MMP2: variants seen among roughly 807,000 people sequenced by gnomAD.
MMP2 encodes the protein 72 kDa type IV collagenase.
MMP2 carries 39 observed loss-of-function variants against 74.8 expected under a neutral mutation model. The ratio of observed to expected loss-of-function variants is 0.52; its 90% confidence interval spans 0.40 to 0.68. The LOEUF is 0.68. Ranked by LOEUF, MMP2 falls within the 30% of genes least tolerant of loss-of-function variation. The probability of loss-of-function intolerance (pLI) is 0.00; values close to 1 mark genes in which losing one functional copy is unlikely to be tolerated. For missense variants in MMP2, 803 were observed against 878.3 expected, an observed-to-expected ratio of 0.91 and a Z score of 1.08; for synonymous variants, 367 against 339.8, an observed-to-expected ratio of 1.08 and a Z score of -0.88.
chr16:55,485,628 C>A lies in MMP2; in HGVS notation c.683C>A (p.Ala228Asp). ...GTGGTCCGTGTGAAGTATGGGAACG[C>A]CGATGGGGAGTACTGCAAGTTCCCC... Reference protein sequence around the residue: ...GQVVRVKYGNADGEYCKFPFL... With the variant: ...GQVVRVKYGNDDGEYCKFPFL... The change falls in exon 5 of 13, where the codon GCC (alanine) becomes GAC (aspartate). Residue 228 changes from alanine (A) to aspartate (D), a missense_variant. By Grantham distance (126) the Ala-to-Asp change is moderately radical. Coordinates refer to ENST00000219070, the MANE Select transcript of MMP2 (RefSeq NM_004530.6). 6.2e-7 allele frequency: 1 copy of A among 1,614,170 alleles called. No individual in the cohort carries two copies. Among genetic ancestry groups the A allele is most frequent in the Non-Finnish European group, 8.5e-7 (1 of 1,180,036 alleles).
intron 1 of MMP2, chr16:55,481,994 C>T (rs1425723647): frequency 3.6e-6 from 2 of 555,914 alleles, no homozygotes; most frequent in Non-Finnish European, 3.3e-6. Flanking sequence ...CAGAAGATCT[C>T]CTGGCTCCTT....
rs1283138962 is a variant in MMP2, at chr16:55,479,390, C to G, written c.-90C>G. The G allele has an allele frequency of 3.7e-6, 5 of 1,344,244 alleles. No homozygotes were observed. The African/African-American group carries it at 7.8e-5, about 21-fold the overall frequency. The allele number at this position is 1,344,244 out of a possible 1,614,324, so 83.3% of individuals were successfully genotyped here. Reference sequence around the variant, plus strand: ...CGGACCCTCGGAGCGCAGCCCTGCGCCGCGGAGCAGGCTCCAACCAGGCGG... The same window carrying G: ...CGGACCCTCGGAGCGCAGCCCTGCGGCGCGGAGCAGGCTCCAACCAGGCGG... On this transcript the variant is annotated 5_prime_UTR_variant, in exon 1 of 13. Transcript: ENST00000219070.
chr16:55,489,706 T>G lies in MMP2; in HGVS notation c.1062T>G (p.Thr354=), dbSNP rs763793906. 6 of 1,613,960 alleles carry G rather than the reference T, an allele frequency of 3.7e-6. No individual in the cohort carries two copies. Among genetic ancestry groups the G allele is most frequent in the Non-Finnish European group, 5.1e-6 (6 of 1,180,016 alleles). Residue 354 remains threonine (T), a synonymous_variant, in exon 7 of 13, where the codon ACT becomes ACG. Coordinates refer to ENST00000219070, the MANE Select transcript of MMP2 (RefSeq NM_004530.6). ...GTGCCCCCTGTGTCTTCCCCTTCAC[T>G]TTCCTGGGCAACAAATATGAGAGCT... ...SEGAPCVFPF[T]FLGNKYESCT...
At chr16:55,495,209 G>T (rs779791484) in intron 9 of MMP2, among the ~76,000 whole-genome samples, 1 of 152,216 alleles carries the variant, frequency 6.6e-6, no homozygotes, top group Non-Finnish European at 1.5e-5. Context: ...CTGCTCTGCA[G>T]TTCCCATTGT....
chr16:55,485,194 G>A, intron 3 of MMP2, 105 bp from the exon 4 acceptor site: 1 of 1,526,230 alleles, frequency 6.6e-7, no homozygotes, highest in Admixed American at 1.7e-5. Flanking sequence ...AAGGGAAGGG[G>A]ACAGATGCTG....
intron 7 of MMP2, among the ~76,000 whole-genome samples, chr16:55,490,349 C>G (rs17859925): frequency 0.016 from 2,471 of 152,298 alleles, 64 homozygotes; most frequent in African/African-American, 0.056. Context: ...AGAGCCCTCT[C>G]TCCCCCATCA....
chr16:55,491,142 GCAACCTCTGCCTCCTGGGTT>G (rs1266281170), intron 7 of MMP2, among the ~76,000 whole-genome samples: 1 of 150,898 alleles, frequency 6.6e-6, no homozygotes, highest in Non-Finnish European at 1.5e-5. Context: ...TCGGCTCACT[GCAACCTCTGCCTCCTGGGTT>G]CAAGTGATTC....
chr16:55,497,158 G>A, intron 10 of MMP2, 96 bp downstream of exon 10: 1 of 1,536,066 alleles, frequency 6.5e-7, no homozygotes, highest in Non-Finnish European at 9.0e-7. Flanking sequence ...TCAAACCACA[G>A]TTCCTATGCA....
chr16:55,479,993 G>A, intron 1 of MMP2: 1 of 297,080 alleles, frequency 3.4e-6, no homozygotes, highest in South Asian at 3.5e-5. Context: ...GGGGGGGGCG[G>A]TCTTTGTAAA....
At chr16:55,482,039 A>G (rs544264622) in intron 1 of MMP2, among the ~76,000 whole-genome samples, 4 of 152,176 alleles carry the variant, frequency 2.6e-5, no homozygotes, top group Non-Finnish European at 5.9e-5. Context: ...CACATACTTC[A>G]TTTTGTTTTA....
chr16:55,497,188 CT>C, intron 10 of MMP2, 126 bp downstream of exon 10: 1 of 1,267,756 alleles, frequency 7.9e-7, no homozygotes, highest in Non-Finnish European at 1.1e-6. Context: ...GCTCCCTTTC[CT>C]TTATGGATTC....
chr16:55,481,783 A>T lies in MMP2; in HGVS notation c.154-1126A>T, dbSNP rs708269. 199,254 of 718,482 alleles carry T rather than the reference A, an allele frequency of 0.28. 29,187 individuals carry two copies. Among genetic ancestry groups the T allele is most frequent in the East Asian group, 0.41 (15,537 of 37,930 alleles). The allele number at this position is 718,482 out of a possible 1,614,324, so 44.5% of individuals were successfully genotyped here. ...AACCAGCTGGCCTAGTGATGATGTT[A>T]GGCAAGTGACTTCTCAGTTTCTTCA... On this transcript the variant is annotated intron_variant, in intron 1 of 12. Transcript: ENST00000219070.
intron 1 of MMP2, among the ~76,000 whole-genome samples, chr16:55,480,890 G>C (rs1227762755): frequency 6.6e-6 from 1 of 152,134 alleles, no homozygotes; most frequent in Non-Finnish European, 1.5e-5. Context: ...CAAGGATCTG[G>C]AGCTGGCTGG....
chr16:55,488,487 C>G lies in MMP2; in HGVS notation c.833-56C>G. On this transcript the variant is annotated intron_variant, in intron 5 of 12. Coordinates refer to ENST00000219070, the MANE Select transcript of MMP2 (RefSeq NM_004530.6). Reference sequence around the variant, plus strand: ...CCGGCAGGTGGGCAGCCAGCCAGCCCTGTGCCCATGGAAGCATGTCTCATT... The same window carrying G: ...CCGGCAGGTGGGCAGCCAGCCAGCCGTGTGCCCATGGAAGCATGTCTCATT... 4 of 1,567,558 alleles carry G rather than the reference C, an allele frequency of 2.6e-6. No individual in the cohort carries two copies. The Admixed American group carries it at 6.9e-5, about 27-fold the overall frequency.
chr16:55,491,991 GAGGA>G, intron 8 of MMP2, 35 bp downstream of exon 8: 2 of 1,382,184 alleles, frequency 1.4e-6, no homozygotes, highest in South Asian at 1.2e-5. Flanking sequence ...GGTGGAGGGT[GAGGA>G]GGGGGGAGGT....
intron 8 of MMP2, among the ~76,000 whole-genome samples, chr16:55,492,627 A>G (rs1471783850): frequency 6.6e-6 from 1 of 152,104 alleles, no homozygotes; most frequent in African/African-American, 2.4e-5. Flanking sequence ...AAAAAGCCCA[A>G]GGTCTGCCGT....
chr16:55,494,080 A>T (rs1338189981), intron 9 of MMP2, among the ~76,000 whole-genome samples: 2 of 152,106 alleles, frequency 1.3e-5, no homozygotes, highest in African/African-American at 4.8e-5. Flanking sequence ...CTTTCCATCC[A>T]TCATCCATCC....
chr16:55,496,858 G>A lies in MMP2; in HGVS notation c.1473-68G>A, dbSNP rs1962539840. The A allele has an allele frequency of 6.2e-6, 10 of 1,600,954 alleles. 1 individual carries two copies. The South Asian group carries it at 7.7e-5, about 12-fold the overall frequency. On this transcript the variant is annotated intron_variant, in intron 9 of 12. Transcript: ENST00000219070. ...TGGGATGTTTCTGGGTGGGTTTGGG[G>A]GTGTGTGTGGTTCGAGCTGCAGGGT... is the stretch of plus-strand genomic sequence containing the variant.
chr16:55,497,188 C>A, intron 10 of MMP2, 126 bp downstream of exon 10: 1 of 1,267,756 alleles, frequency 7.9e-7, no homozygotes, highest in Non-Finnish European at 1.1e-6. Flanking sequence ...GCTCCCTTTC[C>A]TTTATGGATT....
Sources: gnomAD v4.1 joint callset for allele counts (sites outside exome capture counted in the v4.1 genomes callset) on GRCh38, gnomAD v4.1.1 for gene constraint, MANE v1.5 for transcripts, NCBI Gene and HGNC (gene_info 2026-07-23, HGNC 2026-07-21) for gene names.